ADGRF1: variants seen among roughly 807,000 people sequenced by gnomAD.
ADGRF1 encodes G protein-coupled receptor 110.
In ADGRF1, 85 loss-of-function variants were observed where a neutral mutation model predicts 87.2. The observed-to-expected ratio is 0.97, with a 90% CI of 0.82 to 1.17. ADGRF1 has a LOEUF of 1.17. Ranked by LOEUF, ADGRF1 falls within the 50% of genes most tolerant of loss-of-function variation. The pLI, the probability that ADGRF1 is intolerant of heterozygous loss-of-function variation, is 0.00. For missense variants in ADGRF1, 1,169 were observed against 1,077.2 expected, an observed-to-expected ratio of 1.09 and a Z score of -1.19; for synonymous variants, 430 against 408.8, an observed-to-expected ratio of 1.05 and a Z score of -0.63.
intron 11 of ADGRF1, 93 bp from the exon 12 acceptor site, chr6:47,007,387 T>A: frequency 1.4e-6 from 1 of 721,130 alleles, no homozygotes; most frequent in Non-Finnish European, 2.4e-6. Context: ...CACCCCACAT[T>A]GAAACTGTTT....
rs1779809851 is a variant in ADGRF1, at chr6:47,014,662, C to T, written c.927+19G>A. The T allele has an allele frequency of 6.2e-7, 1 of 1,611,166 alleles. No homozygotes were observed. ...GAAACTCAAGACCAGGGCAAGTCTA[C>T]ACAGTGAAAATGCCTCACCTTGTTC... On this transcript the variant is annotated intron_variant, in intron 9 of 14. Transcript: ENST00000371253.
intron 9 of ADGRF1, 162 bp downstream of exon 9, chr6:47,014,519 A>G (rs1779803204): frequency 7.1e-7 from 1 of 1,409,896 alleles, no homozygotes; most frequent in Non-Finnish European, 9.2e-7. Context: ...CCACTCATGC[A>G]CGACTCCACG....
chr6:47,039,535 G>T (rs1411594185), intron 1 of ADGRF1, among the ~76,000 whole-genome samples: 1 of 152,186 alleles, frequency 6.6e-6, no homozygotes, highest in Non-Finnish European at 1.5e-5. Flanking sequence ...TTTCTTAGTG[G>T]TTTTGTGTAC....
In ADGRF1 at chr6:47,008,960, T is replaced by C. The variant is rs896098242; in HGVS notation, c.2475A>G (p.Leu825=). 3 of 1,600,468 alleles carry C rather than the reference T, an allele frequency of 1.9e-6. No individual in the cohort carries two copies. The highest frequency in any genetic ancestry group is 1.3e-5 in the African/African-American group (1 of 74,612). The part of the protein sequence containing the change: ...QNLAWHVIFA[L]LNAFQGFFIL... ...CTGTTCTCACCTGGAATGCATTGAG[T>C]AAAGCAAAAATAACATGCCAAGCCA... Residue 825 remains leucine (L), a synonymous_variant, in exon 11 of 15, where the codon TTA becomes TTG. Coordinates refer to ENST00000371253, the MANE Select transcript of ADGRF1 (RefSeq NM_153840.4).
At chr6:47,008,194 A>G (rs1709488293) in intron 11 of ADGRF1, among the ~76,000 whole-genome samples, 2 of 152,190 alleles carry the variant, frequency 1.3e-5, no homozygotes, top group Admixed American at 1.3e-4. Flanking sequence ...ATGTTTAACC[A>G]CCACTTCCCT....
intron 9 of ADGRF1, chr6:47,012,622 G>A (rs3857591): frequency 0.66 from 654,418 of 984,626 alleles, 221,051 homozygotes; most frequent in Non-Finnish European, 0.69. Flanking sequence ...AGCACTCAGC[G>A]GAAAATGTTA....
chr6:47,005,494 C>T (rs1220537118), intron 13 of ADGRF1, among the ~76,000 whole-genome samples: 1 of 152,136 alleles, frequency 6.6e-6, no homozygotes, highest in Non-Finnish European at 1.5e-5. Flanking sequence ...AAGGGCCTTG[C>T]TAGTTCTAAA....
In ADGRF1 at chr6:46,999,197, G is replaced by A. The variant is rs187932317; in HGVS notation, c.*1025C>T. On this transcript the variant is annotated 3_prime_UTR_variant, in exon 15 of 15. Transcript: ENST00000371253. ...TTGTATGTCATCCAAAAGTGGCACT[G>A]GCTGTACAAGAAAATAACTTCCACA... 7.2e-5 allele frequency: 11 copies of A among 152,306 alleles called. 1 individual carries two copies. The highest frequency in any genetic ancestry group is 2.4e-4 in the African/African-American group (10 of 41,554). 9.4% of individuals were successfully genotyped at this position (152,306 alleles called of 1,614,324 possible). A position where few individuals can be genotyped will look rare whatever the true frequency, so the allele number is the denominator to read the frequency against.
intron 8 of ADGRF1, 39 bp downstream of exon 8, chr6:47,016,578 C>T: frequency 6.8e-7 from 1 of 1,478,156 alleles, no homozygotes. Context: ...AATTAAAGGA[C>T]TCTCTTAACC....
At chr6:47,024,589 C>G (rs529383867) in intron 4 of ADGRF1, among the ~76,000 whole-genome samples, 1 of 152,358 alleles carries the variant, frequency 6.6e-6, no homozygotes, top group Admixed American at 6.5e-5. Flanking sequence ...GCTGGGATTA[C>G]AGGCGTGAGC....
intron 7 of ADGRF1, chr6:47,020,436 C>T: frequency 2.8e-6 from 3 of 1,084,598 alleles, no homozygotes; most frequent in Non-Finnish European, 3.9e-6. Flanking sequence ...GCAGAGGTTG[C>T]AGGGTTGCAG....
At chr6:47,002,085 G>GA (rs1779379418) in intron 13 of ADGRF1, 1 of 152,904 alleles carries the variant, frequency 6.5e-6, no homozygotes, top group Non-Finnish European at 1.5e-5. Flanking sequence ...TAAAATATTT[G>GA]AAACAAAGAG....
At chr6:47,024,397 C>T in intron 4 of ADGRF1, 180 bp from the exon 5 acceptor site, 1 of 512,856 alleles carries the variant, frequency 1.9e-6, no homozygotes, top group South Asian at 2.8e-5. Flanking sequence ...TCACTGCAAC[C>T]TCTGCCTCCT....
intron 1 of ADGRF1, among the ~76,000 whole-genome samples, chr6:47,038,886 T>A (rs946506307): frequency 3.9e-5 from 6 of 152,212 alleles, no homozygotes; most frequent in Non-Finnish European, 8.8e-5. Context: ...AGCTTGATTA[T>A]CTAAGAGACG....
rs749384985 is a variant in ADGRF1, at chr6:47,022,049, C to T, written c.461G>A (p.Gly154Asp). ...AAACCTTTCATTAATTTTGAAAGTG[C>T]CCCAAATCTCTGTAGGAAATAAAAA... is the stretch of plus-strand genomic sequence containing the variant. The part of the protein sequence containing the change: ...VNFCERTKIW[G>D]TFKINERFTN... The change falls in exon 6 of 15, where the codon GGC (glycine) becomes GAC (aspartate). Residue 154 changes from glycine (G) to aspartate (D), a missense_variant. Gly to Asp is a moderately conservative substitution (Grantham distance 94). Coordinates refer to ENST00000371253, the MANE Select transcript of ADGRF1 (RefSeq NM_153840.4). 3.9e-6 allele frequency: 6 copies of T among 1,552,148 alleles called. No homozygotes were observed. The South Asian group carries it at 6.0e-5, about 15-fold the overall frequency.
intron 7 of ADGRF1, chr6:47,019,129 A>T: frequency 3.5e-6 from 1 of 287,964 alleles, no homozygotes; most frequent in Non-Finnish European, 5.2e-6. Context: ...ACTTGTGCCT[A>T]CTTTTACTGT....
intron 7 of ADGRF1, chr6:47,019,149 T>C (rs1779964058): frequency 2.4e-5 from 9 of 382,810 alleles, no homozygotes; most frequent in Non-Finnish European, 3.2e-5. Context: ...TGATTTGGTC[T>C]GCAGATTATT....
chr6:47,040,639 ACTTGTGCACC>A (rs1780713497), intron 1 of ADGRF1, among the ~76,000 whole-genome samples: 1 of 152,038 alleles, frequency 6.6e-6, no homozygotes, highest in Admixed American at 6.6e-5. Context: ...CCACTTTCTG[ACTTGTGCACC>A]CTTGTGACGC....
chr6:47,002,438 A>G lies in ADGRF1; in HGVS notation c.2593-871T>C, dbSNP rs375332313. On this transcript the variant is annotated intron_variant, in intron 13 of 14. Coordinates refer to ENST00000371253, the MANE Select transcript of ADGRF1 (RefSeq NM_153840.4). ...AAAATATTTGAAACTTTCAAAGCAA[A>G]ATAATTAATTTTCTAGAATTCAGGG... Among the ~76,000 whole-genome samples the G allele has an allele frequency of 2.6e-5, 4 of 152,334 alleles. No individual in the cohort carries two copies. The East Asian group carries it at 5.8e-4, about 22-fold the overall frequency.
Sources: gnomAD v4.1 joint callset for allele counts (sites outside exome capture counted in the v4.1 genomes callset) on GRCh38, gnomAD v4.1.1 for gene constraint, MANE v1.5 for transcripts, NCBI Gene and HGNC (gene_info 2026-07-23, HGNC 2026-07-21) for gene names.